Variants in RBM8A observed in about 807,000 individuals in gnomAD.
RBM8A encodes RNA binding motif protein 8A.
Under a neutral mutation model 25.1 loss-of-function variants are expected in RBM8A, and 8 were observed. The observed-to-expected ratio is 0.32, with a 90% CI of 0.19 to 0.58. The LOEUF (loss-of-function observed/expected upper bound fraction) is 0.58. RBM8A is among the 20% of genes least tolerant of loss of function. The probability of loss-of-function intolerance (pLI) is 0.88; values close to 1 mark genes in which losing one functional copy is unlikely to be tolerated. For synonymous variants in RBM8A, 66 were observed against 80.0 expected (o/e 0.82, Z 0.94); for missense variants, 114 against 236.8 (o/e 0.48, Z 3.40).
In RBM8A at chr1:145,925,612, A is replaced by G; in HGVS notation, c.*270T>C. 1 of 427,864 alleles carries G rather than the reference A, an allele frequency of 2.3e-6. No homozygotes were observed. Among genetic ancestry groups the G allele is most frequent in the Non-Finnish European group, 4.3e-6 (1 of 233,526 alleles). 26.5% of individuals were successfully genotyped at this position (427,864 alleles called of 1,614,324 possible). On this transcript the variant is annotated 3_prime_UTR_variant, in exon 6 of 6. Coordinates refer to ENST00000583313, the MANE Select transcript of RBM8A (RefSeq NM_005105.5). Reference sequence around the variant, plus strand: ...GCAAGACTCTATCTCAAAAAAAAGAAAAAAAAGAAATACATAGAGTTCAGT... The same window carrying G: ...GCAAGACTCTATCTCAAAAAAAAGAGAAAAAAGAAATACATAGAGTTCAGT...
Position 145,925,751 on chromosome 1 carries a change from C to T in RBM8A, c.*131G>A, listed in dbSNP as rs1648115242. 2 of 1,048,586 alleles carry T rather than the reference C, an allele frequency of 1.9e-6. No homozygotes were observed. The highest frequency in any genetic ancestry group is 1.4e-6 in the Non-Finnish European group (1 of 710,802). 65.0% of individuals were successfully genotyped at this position (1,048,586 alleles called of 1,614,324 possible). A position where few individuals can be genotyped will look rare whatever the true frequency, so the allele number is the denominator to read the frequency against. ...AAAACAAAAATGGAACATTTATTCG[C>T]AACTCAAATACTACGCATATACGGT... On this transcript the variant is annotated 3_prime_UTR_variant, in exon 6 of 6. Coordinates refer to ENST00000583313, the MANE Select transcript of RBM8A (RefSeq NM_005105.5).
chr1:145,926,028 C>G lies in RBM8A; in HGVS notation c.479+13G>C, dbSNP rs782025836. 10 of 1,614,194 alleles carry G rather than the reference C, an allele frequency of 6.2e-6. No individual in the cohort carries two copies. In the South Asian group the frequency reaches 1.1e-4, roughly 18 times the overall value. On this transcript the variant is annotated intron_variant, in intron 5 of 5. Coordinates refer to ENST00000583313, the MANE Select transcript of RBM8A (RefSeq NM_005105.5). Reference sequence around the variant, plus strand: ...TCCCTTCACCCAGACAGTATTTGCCCTCTTCATTTTACCTCCTCTTGCCTT... The same window carrying G: ...TCCCTTCACCCAGACAGTATTTGCCGTCTTCATTTTACCTCCTCTTGCCTT...
In RBM8A at chr1:145,922,756, G is replaced by A. The variant is rs1301173600; in HGVS notation, c.*3126C>T. Reference sequence around the variant, plus strand: ...GGTAAGGGCTTAGGGGTAGTTATAGGTAGTATTAGGAGTAGTTAGAAATTA... The same window carrying A: ...GGTAAGGGCTTAGGGGTAGTTATAGATAGTATTAGGAGTAGTTAGAAATTA... On this transcript the variant is annotated 3_prime_UTR_variant, in exon 6 of 6. Coordinates refer to ENST00000583313, the MANE Select transcript of RBM8A (RefSeq NM_005105.5). 6.6e-6 allele frequency: 1 copy of A among 152,058 alleles called. No homozygotes were observed. The highest frequency in any genetic ancestry group is 1.5e-5 in the Non-Finnish European group (1 of 68,016). 9.4% of individuals were successfully genotyped at this position (152,058 alleles called of 1,614,324 possible). A position where few individuals can be genotyped will look rare whatever the true frequency, so the allele number is the denominator to read the frequency against.
At position 145,926,390 on chromosome 1, in the gene RBM8A, T is replaced by C. The variant is rs1648158553; in HGVS notation, c.342+92A>G. 4 of 1,532,828 alleles carry C rather than the reference T, an allele frequency of 2.6e-6. No individual in the cohort carries two copies. The Admixed American group carries it at 6.1e-5, about 23-fold the overall frequency. 95.0% of individuals were successfully genotyped at this position (1,532,828 alleles called of 1,614,324 possible). A position where few individuals can be genotyped will look rare whatever the true frequency, so the allele number is the denominator to read the frequency against. On this transcript the variant is annotated intron_variant, in intron 4 of 5. Transcript: ENST00000583313. Reference sequence around the variant, plus strand: ...ATTTCCAATGTCATTTTATTTCAACTTTGCTCTTGGCCAACCACAGCAAAC... The same window carrying C: ...ATTTCCAATGTCATTTTATTTCAACCTTGCTCTTGGCCAACCACAGCAAAC...
rs1263791200 is a variant in RBM8A, at chr1:145,923,612, C to G, written c.*2270G>C. The G allele has an allele frequency of 1.3e-5, 4 of 298,346 alleles. No individual in the cohort carries two copies. The Admixed American group carries it at 1.8e-4, about 14-fold the overall frequency. The allele number at this position is 298,346 out of a possible 1,614,324, so 18.5% of individuals were successfully genotyped here. On this transcript the variant is annotated 3_prime_UTR_variant, in exon 6 of 6. Coordinates refer to ENST00000583313, the MANE Select transcript of RBM8A (RefSeq NM_005105.5). Reference sequence around the variant, plus strand: ...GTTTTTACTGATTCAGTTGGAAAACCCAGCAATTTAACAAAAAGGGGGAGG... The same window carrying G: ...GTTTTTACTGATTCAGTTGGAAAACGCAGCAATTTAACAAAAAGGGGGAGG...
At chr1:145,926,360 C>T (rs1431523322) in intron 4 of RBM8A, 122 bp downstream of exon 4, 12 of 1,490,216 alleles carry the variant, frequency 8.1e-6, no homozygotes, top group South Asian at 1.3e-5. Flanking sequence ...TCTGACAAAA[C>T]ATAGATTTCC....
chr1:145,926,177 C>T lies in RBM8A; in HGVS notation c.343G>A (p.Gly115Arg), dbSNP rs1648145037. ...NLDRRTGYLK[G>R]YTLVEYETYK... ...GTTTCATATTCAACTAGAGTATACCCCTGGGGAAAGTGAAAAGACAGATAT... is the reference window on the plus strand; with the variant it reads ...GTTTCATATTCAACTAGAGTATACCTCTGGGGAAAGTGAAAAGACAGATAT... The change falls in exon 5 of 6, where the codon GGG becomes AGG. Residue 115 changes from glycine (G) to arginine (R), a missense_variant and splice_region_variant. By Grantham distance (125) the Gly-to-Arg change is moderately radical (BLOSUM62 -2). Transcript: ENST00000583313. 6.2e-7 allele frequency: 1 copy of T among 1,613,070 alleles called. No homozygotes were observed. Among genetic ancestry groups the T allele is most frequent in the Admixed American group, 1.7e-5 (1 of 59,996 alleles).
rs1647931315 is a variant in RBM8A at position 145,923,602 on chromosome 1, G to A, written c.*2280C>T. On this transcript the variant is annotated 3_prime_UTR_variant, in exon 6 of 6. Transcript: ENST00000583313. ...AACAGAAATAGTTTTTACTGATTCA[G>A]TTGGAAAACCCAGCAATTTAACAAA... 1 of 285,696 alleles carries A rather than the reference G, an allele frequency of 3.5e-6. No homozygotes were observed. Among genetic ancestry groups the A allele is most frequent in the Admixed American group, 4.6e-5 (1 of 21,618 alleles). 17.7% of individuals were successfully genotyped at this position (285,696 alleles called of 1,614,324 possible). A position where few individuals can be genotyped will look rare whatever the true frequency, so the allele number is the denominator to read the frequency against.
chr1:145,926,447 A>G (rs782522365), intron 4 of RBM8A, 35 bp downstream of exon 4: 1 of 1,610,356 alleles, frequency 6.2e-7, no homozygotes, highest in Non-Finnish European at 8.5e-7. Context: ...AAGGCTTATG[A>G]AAGAAAGGAG....
At chr1:145,927,124 G>T (rs376408845) in intron 1 of RBM8A, 47 bp from the exon 2 acceptor site, 1 of 1,598,330 alleles carries the variant, frequency 6.3e-7, no homozygotes, top group African/African-American at 1.3e-5. Flanking sequence ...ACAGTCATTT[G>T]TAACAATCGT....
At chr1:145,927,302 A>AT in intron 1 of RBM8A, 58 bp downstream of exon 1, 2 of 1,565,096 alleles carry the variant, frequency 1.3e-6, no homozygotes, top group Non-Finnish European at 1.7e-6. Flanking sequence ...AAATTTTCCT[A>AT]TTATAGCCTT....
rs1347530954 is a variant in RBM8A at position 145,923,534 on chromosome 1, A to G, written c.*2348T>C. The G allele has an allele frequency of 5.3e-6, 1 of 187,762 alleles. No individual in the cohort carries two copies. The highest frequency in any genetic ancestry group is 5.6e-5 in the Admixed American group (1 of 17,732). The allele number at this position is 187,762 out of a possible 1,614,324, so 11.6% of individuals were successfully genotyped here. A position where few individuals can be genotyped will look rare whatever the true frequency, so the allele number is the denominator to read the frequency against. ...CTTTTATCAAATTAATAGTGACTCA[A>G]TCTCCATTACTGGAAAGCAGGCACT... On this transcript the variant is annotated 3_prime_UTR_variant, in exon 6 of 6. Coordinates refer to ENST00000583313, the MANE Select transcript of RBM8A (RefSeq NM_005105.5).
Position 145,922,495 on chromosome 1 carries a change from T to C in RBM8A, c.*3387A>G, listed in dbSNP as rs905197753. 3 of 152,222 alleles carry C rather than the reference T, an allele frequency of 2.0e-5. No homozygotes were observed. Among genetic ancestry groups the C allele is most frequent in the Admixed American group, 1.3e-4 (2 of 15,282 alleles). 9.4% of individuals were successfully genotyped at this position (152,222 alleles called of 1,614,324 possible). On this transcript the variant is annotated 3_prime_UTR_variant, in exon 6 of 6. Coordinates refer to ENST00000583313, the MANE Select transcript of RBM8A (RefSeq NM_005105.5). ...CACTTGAAATCCATGGGCCACAAGATGATGCAATGGGAAATGAATTTCATC... is the reference window on the plus strand; with the variant it reads ...CACTTGAAATCCATGGGCCACAAGACGATGCAATGGGAAATGAATTTCATC...
In RBM8A at chr1:145,926,468, G is replaced by A; in HGVS notation, c.342+14C>T. The A allele has an allele frequency of 1.9e-6, 3 of 1,613,280 alleles. No homozygotes were observed. The highest frequency in any genetic ancestry group is 1.7e-6 in the Non-Finnish European group (2 of 1,179,596). On this transcript the variant is annotated intron_variant, in intron 4 of 5. Transcript: ENST00000583313. Reference sequence around the variant, plus strand: ...TATGAAAGAAAGGAGGCAATAAAGTGTCACTTAGGATACCTTCAGATATCC... The same window carrying A: ...TATGAAAGAAAGGAGGCAATAAAGTATCACTTAGGATACCTTCAGATATCC...
Position 145,927,095 on chromosome 1 carries a change from A to G in RBM8A, c.68-18T>C, listed in dbSNP as rs1553756108. 1 of 1,611,068 alleles carries G rather than the reference A, an allele frequency of 6.2e-7. No homozygotes were observed. The highest frequency in any genetic ancestry group is 1.3e-5 in the African/African-American group (1 of 74,794). ...AATGCTCTCTGGAACCCCAGAAGATAAAAGAATAAGTAACTATGACAGTCA... is the reference window on the plus strand; with the variant it reads ...AATGCTCTCTGGAACCCCAGAAGATGAAAGAATAAGTAACTATGACAGTCA... On this transcript the variant is annotated intron_variant, in intron 1 of 5. Transcript: ENST00000583313.
chr1:145,924,566 G>C lies in RBM8A; in HGVS notation c.*1316C>G, dbSNP rs1647995292. The C allele has an allele frequency of 2.7e-6, 1 of 367,674 alleles. No homozygotes were observed. The highest frequency in any genetic ancestry group is 5.5e-6 in the Non-Finnish European group (1 of 181,742). 22.8% of individuals were successfully genotyped at this position (367,674 alleles called of 1,614,324 possible). A position where few individuals can be genotyped will look rare whatever the true frequency, so the allele number is the denominator to read the frequency against. On this transcript the variant is annotated 3_prime_UTR_variant, in exon 6 of 6. Coordinates refer to ENST00000583313, the MANE Select transcript of RBM8A (RefSeq NM_005105.5). ...AGCTGAGTTAGCTGGACAAGGACTA[G>C]GGAGGCAATCAGTATTATTTATTCT...
In RBM8A at chr1:145,922,863, G is replaced by A. The variant is rs1314405727; in HGVS notation, c.*3019C>T. 6.6e-6 allele frequency: 1 copy of A among 151,986 alleles called. No individual in the cohort carries two copies. The highest frequency in any genetic ancestry group is 2.4e-5 in the African/African-American group (1 of 41,382). The allele number at this position is 151,986 out of a possible 1,614,324, so 9.4% of individuals were successfully genotyped here. On this transcript the variant is annotated 3_prime_UTR_variant, in exon 6 of 6. Transcript: ENST00000583313. ...GTACGTGGTAAATGGCAATAAAACAGGATAAAGGAAAGATCAAAACAAGGC... is the reference window on the plus strand; with the variant it reads ...GTACGTGGTAAATGGCAATAAAACAAGATAAAGGAAAGATCAAAACAAGGC...
rs1553756205 is a variant in RBM8A at position 145,927,431 on chromosome 1, C to CCTTCGATCGAGATCTCGT, written c.-23_-6dup. ...AAGATCTAGCACGTCCGCCATCTCGCCTTCGATCGAGATCTCGTCTGTGCC... is the reference window on the plus strand; with the variant it reads ...AAGATCTAGCACGTCCGCCATCTCGCCTTCGATCGAGATCTCGTCTTCGATCGAGATCTCGTCTGTGCC... On this transcript the variant is annotated 5_prime_UTR_variant, in exon 1 of 6. Coordinates refer to ENST00000583313, the MANE Select transcript of RBM8A (RefSeq NM_005105.5). The CCTTCGATCGAGATCTCGT allele has an allele frequency of 3.1e-6, 5 of 1,609,380 alleles. No individual in the cohort carries two copies. The African/African-American group carries it at 6.7e-5, about 21-fold the overall frequency.
In RBM8A at chr1:145,922,571, A is replaced by G. The variant is rs782408922; in HGVS notation, c.*3311T>C. 6.6e-6 allele frequency: 1 copy of G among 152,218 alleles called. No homozygotes were observed. Among genetic ancestry groups the G allele is most frequent in the Non-Finnish European group, 1.5e-5 (1 of 68,050 alleles). 9.4% of individuals were successfully genotyped at this position (152,218 alleles called of 1,614,324 possible). The stretch of plus-strand genomic sequence containing the variant: ...AATATTTGCAACCTCTATTTGTTTC[A>G]ATGGCAAACTGGTTGTGACATGATA... On this transcript the variant is annotated 3_prime_UTR_variant, in exon 6 of 6. Coordinates refer to ENST00000583313, the MANE Select transcript of RBM8A (RefSeq NM_005105.5).
Sources: gnomAD v4.1 joint callset for allele counts on GRCh38, gnomAD v4.1.1 for gene constraint, MANE v1.5 for transcripts, NCBI Gene and HGNC (gene_info 2026-07-23, HGNC 2026-07-21) for gene names.